Variants in GRID2 observed in about 807,000 individuals in gnomAD.
GRID2 encodes the protein glutamate receptor ionotropic, delta-2.
A neutral mutation model predicts 114.8 loss-of-function variants in GRID2; 33 were observed. That is an observed-to-expected ratio of 0.29 (90% CI 0.22 to 0.38). GRID2 has a LOEUF of 0.38. Ranked by LOEUF, GRID2 falls within the 10% of genes least tolerant of loss-of-function variation. The pLI, the probability that GRID2 is intolerant of heterozygous loss-of-function variation, is 1.00. For synonymous variants in GRID2, 505 were observed against 449.9 expected (o/e 1.12, Z -1.55); for missense variants, 1,184 against 1,257.7 (o/e 0.94, Z 0.89).
chr4:93,582,895 T>C (rs1027136461), intron 13 of GRID2, among the ~76,000 whole-genome samples: 5 of 152,218 alleles, frequency 3.3e-5, no homozygotes, highest in Non-Finnish European at 7.3e-5. Flanking sequence ...ACAAGCTTCC[T>C]GGCTCAAAAT....
chr4:92,548,836 A>G (rs1726421270), intron 1 of GRID2, among the ~76,000 whole-genome samples: 1 of 152,066 alleles, frequency 6.6e-6, no homozygotes. Context: ...GGAAGCCCGC[A>G]CTACACATCG....
rs1029979958 is a variant in GRID2, at chr4:92,939,670, G to A, written c.245-145325G>A. 2.0e-5 allele frequency among the ~76,000 whole-genome samples: 3 copies of A among 147,170 alleles called. 1 individual carries two copies. The highest frequency in any genetic ancestry group is 7.3e-5 in the African/African-American group (3 of 41,192). On this transcript the variant is annotated intron_variant, in intron 2 of 15. Coordinates refer to ENST00000282020, the MANE Select transcript of GRID2 (RefSeq NM_001510.4). Reference sequence around the variant, plus strand: ...CTATGTCCTGAATGGTATTGCCTAGGTTTTTGTCTAGGGTTTTTATGGTTT... The same window carrying A: ...CTATGTCCTGAATGGTATTGCCTAGATTTTTGTCTAGGGTTTTTATGGTTT...
At chr4:92,877,359 T>C (rs187305384) in intron 2 of GRID2, among the ~76,000 whole-genome samples, 1 of 152,328 alleles carries the variant, frequency 6.6e-6, no homozygotes, top group African/African-American at 2.4e-5. Context: ...GTTTTTTCTC[T>C]AAAGACAGAA....
intron 1 of GRID2, among the ~76,000 whole-genome samples, chr4:93,795,991 C>T (rs929765910): frequency 6.6e-6 from 1 of 152,146 alleles, no homozygotes; most frequent in East Asian, 1.9e-4. Context: ...CTTCCAAGTT[C>T]ACATGGTTGC....
rs555018709 is a variant in GRID2, at chr4:92,719,623, A to C, written c.244+129337A>C. Among the ~76,000 whole-genome samples, 21 of 152,320 alleles carry C rather than the reference A, an allele frequency of 1.4e-4. No individual in the cohort carries two copies. The East Asian group carries it at 3.1e-3, about 22-fold the overall frequency. On this transcript the variant is annotated intron_variant, in intron 2 of 15. Transcript: ENST00000282020. ...CTAAAAGGTAGAAAAATGTGGTTGGATCTATGAACTTGCATGAGCCAGAGG... is the reference window on the plus strand; with the variant it reads ...CTAAAAGGTAGAAAAATGTGGTTGGCTCTATGAACTTGCATGAGCCAGAGG...
At position 92,682,349 on chromosome 4, in the gene GRID2, C is replaced by T. The variant is rs111723262; in HGVS notation, c.244+92063C>T. Among the ~76,000 whole-genome samples the T allele has an allele frequency of 6.6e-3, 1,000 of 152,278 alleles. 4 individuals are homozygous for T. The highest frequency in any genetic ancestry group is 0.011 in the South Asian group (55 of 4,824). On this transcript the variant is annotated intron_variant, in intron 2 of 15. Coordinates refer to ENST00000282020, the MANE Select transcript of GRID2 (RefSeq NM_001510.4). ...AGTGCAAGTGTTGATTGGTCTAAAC[C>T]AATGGCTCTCTGTATGGTCCGTAGA...
chr4:92,331,492 G>T (rs1322328613), intron 1 of GRID2, among the ~76,000 whole-genome samples: 1 of 152,160 alleles, frequency 6.6e-6, no homozygotes, highest in Non-Finnish European at 1.5e-5. Context: ...TTTATTGAGG[G>T]TAAGCAAATA....
intron 2 of GRID2, among the ~76,000 whole-genome samples, chr4:92,679,311 C>T (rs1196116835): frequency 1.3e-5 from 2 of 152,124 alleles, no homozygotes; most frequent in African/African-American, 2.4e-5. Context: ...AAATACACAT[C>T]AGACACACCC....
chr4:93,754,806 A>G (rs941137060), intron 14 of GRID2, among the ~76,000 whole-genome samples: 23 of 152,154 alleles, frequency 1.5e-4, no homozygotes, highest in African/African-American at 5.5e-4. Flanking sequence ...CTGATTATGC[A>G]AGGGTTGGGG....
At chr4:93,403,666 C>T (rs1379909004) in intron 9 of GRID2, among the ~76,000 whole-genome samples, 2 of 152,044 alleles carry the variant, frequency 1.3e-5, no homozygotes, top group South Asian at 2.1e-4. Context: ...CAAATCAAAA[C>T]CACAATGAGC....
In GRID2 at chr4:92,979,448, T is replaced by G. The variant is rs1050402420; in HGVS notation, c.245-105547T>G. 2.6e-5 allele frequency among the ~76,000 whole-genome samples: 4 copies of G among 152,082 alleles called. No individual in the cohort carries two copies. In the South Asian group the frequency reaches 8.3e-4, roughly 32 times the overall value. On this transcript the variant is annotated intron_variant, in intron 2 of 15. Transcript: ENST00000282020. ...GTACGACTCAGTGTATTGGTAGGCATGTAAAATCTCAGGTCGTTTTTCAGG... is the reference window on the plus strand; with the variant it reads ...GTACGACTCAGTGTATTGGTAGGCAGGTAAAATCTCAGGTCGTTTTTCAGG...
intron 10 of GRID2, among the ~76,000 whole-genome samples, chr4:93,431,481 A>G (rs1190092699): frequency 6.6e-6 from 1 of 152,204 alleles, no homozygotes; most frequent in Admixed American, 6.5e-5. Flanking sequence ...CAATGTCAGA[A>G]CTATTTGAGA....
intron 13 of GRID2, among the ~76,000 whole-genome samples, chr4:93,594,716 G>T (rs376358332): frequency 2.0e-5 from 3 of 152,134 alleles, no homozygotes; most frequent in Admixed American, 1.3e-4. Context: ...ACTCCGTGGG[G>T]TAGGACCCTC....
intron 1 of GRID2, among the ~76,000 whole-genome samples, chr4:92,381,914 A>G (rs980002732): frequency 6.6e-6 from 1 of 152,052 alleles, no homozygotes; most frequent in Admixed American, 6.6e-5. Flanking sequence ...AAAGACAATG[A>G]ATCTCAGATG....
At chr4:93,681,453 A>G (rs1453436722) in intron 14 of GRID2, among the ~76,000 whole-genome samples, 3 of 151,530 alleles carry the variant, frequency 2.0e-5, no homozygotes, top group African/African-American at 7.3e-5. Context: ...TGGAACCAAA[A>G]AAGAGCCCGC....
At chr4:93,109,255 G>A (rs762397859) in intron 3 of GRID2, among the ~76,000 whole-genome samples, 1 of 151,974 alleles carries the variant, frequency 6.6e-6, no homozygotes, top group Non-Finnish European at 1.5e-5. Flanking sequence ...TGCTTTGATG[G>A]TAACATCCTG....
At chr4:92,915,832 T>C (rs1748747885) in intron 2 of GRID2, among the ~76,000 whole-genome samples, 1 of 152,186 alleles carries the variant, frequency 6.6e-6, no homozygotes, top group Non-Finnish European at 1.5e-5. Flanking sequence ...TTCAGCGTTT[T>C]TTCATATGAT....
At chr4:93,765,127 C>T (rs1172730942) in intron 14 of GRID2, among the ~76,000 whole-genome samples, 10 of 152,188 alleles carry the variant, frequency 6.6e-5, no homozygotes, top group Admixed American at 5.9e-4. Flanking sequence ...TTTTACCACA[C>T]TTGCTTTACA....
chr4:93,415,182 T>G (rs949497251), intron 9 of GRID2, among the ~76,000 whole-genome samples: 6 of 152,122 alleles, frequency 3.9e-5, no homozygotes, highest in Non-Finnish European at 8.8e-5. Flanking sequence ...CTTGCAGACT[T>G]CTCTCATTTG....
Sources: allele counts gnomAD v4.1 joint callset (sites outside exome capture counted in the v4.1 genomes callset), GRCh38; gene constraint gnomAD v4.1.1; transcripts MANE v1.5; gene names NCBI Gene and HGNC (gene_info 2026-07-23, HGNC 2026-07-21).